TBC1D5: variants seen among roughly 807,000 people sequenced by gnomAD.
TBC1D5 encodes TBC1 domain family member 5, also known as TBC1 domain family, member 5.
Under a neutral mutation model 100.3 loss-of-function variants are expected in TBC1D5, and 75 were observed. That is an observed-to-expected ratio of 0.75 (90% CI 0.62 to 0.91). The LOEUF (loss-of-function observed/expected upper bound fraction) is 0.91, where lower values mean the gene tolerates loss of function less well. Among genes scored for constraint, TBC1D5 ranks in the 40% least tolerant of loss-of-function variants. The pLI, the probability that TBC1D5 is intolerant of heterozygous loss-of-function variation, is 0.00. For missense variants in TBC1D5, 910 were observed against 942.4 expected (o/e 0.97, Z 0.45); for synonymous variants, 323 against 325.6 (o/e 0.99, Z 0.09).
At chr3:17,566,326 T>C (rs1330891122) in intron 2 of TBC1D5, among the ~76,000 whole-genome samples, 1 of 151,828 alleles carries the variant, frequency 6.6e-6, no homozygotes, top group Non-Finnish European at 1.5e-5. Flanking sequence ...TTCTAAAAAC[T>C]GATAAGTAGG....
chr3:17,548,346 T>A (rs778979908), intron 2 of TBC1D5, among the ~76,000 whole-genome samples: 1 of 152,046 alleles, frequency 6.6e-6, no homozygotes, highest in Non-Finnish European at 1.5e-5. Flanking sequence ...AAAATTCATA[T>A]ATCAGTAGAA....
Position 17,383,899 on chromosome 3 carries a change from G to C in TBC1D5, c.612+14C>G. ...TTGAGTCAATGGATGCCACCTGTAA[G>C]ATATTTTCATTACCTGTTTATAAAG... is the stretch of plus-strand genomic sequence containing the variant. On this transcript the variant is annotated intron_variant, in intron 9 of 21. Coordinates refer to ENST00000253692, the Ensembl canonical transcript of TBC1D5. The C allele has an allele frequency of 6.4e-7, 1 of 1,573,160 alleles. No individual in the cohort carries two copies.
chr3:17,391,094 G>T (rs1329506406), intron 8 of TBC1D5, among the ~76,000 whole-genome samples: 1 of 152,088 alleles, frequency 6.6e-6, no homozygotes, highest in Non-Finnish European at 1.5e-5. Flanking sequence ...TAGACGGAAT[G>T]AAAAAGAACA....
chr3:17,169,014 T>A (rs2066917672), intron 19 of TBC1D5, among the ~76,000 whole-genome samples: 1 of 152,204 alleles, frequency 6.6e-6, no homozygotes, highest in East Asian at 1.9e-4. Context: ...ATGCACAGGC[T>A]TCTCTTTATT....
chr3:17,469,802 T>C (rs1454342285), intron 3 of TBC1D5, among the ~76,000 whole-genome samples: 1 of 152,252 alleles, frequency 6.6e-6, no homozygotes, highest in East Asian at 1.9e-4. Context: ...ATTATTCAGT[T>C]ATGTGGCCTA....
intron 18 of TBC1D5, among the ~76,000 whole-genome samples, chr3:17,201,747 GTGAA>G (rs1357722818): frequency 2.0e-5 from 3 of 152,162 alleles, no homozygotes; most frequent in African/African-American, 7.2e-5. Flanking sequence ...TGTGTAAGAT[GTGAA>G]TCCTTCCTCT....
chr3:17,719,164 CA>C lies in TBC1D5; in HGVS notation c.-101+20178del, dbSNP rs1049454471. Among the ~76,000 whole-genome samples the C allele has an allele frequency of 2.6e-5, 4 of 151,604 alleles. No individual in the cohort carries two copies. In the South Asian group the frequency reaches 6.2e-4, roughly 24 times the overall value. On this transcript the variant is annotated intron_variant, in intron 1 of 21. Coordinates refer to ENST00000253692, the Ensembl canonical transcript of TBC1D5. ...TATAAAGGATAATGGCTATTTAAGA[CA>C]AAAAAAACTACAATGTTTCAAATGA...
chr3:17,367,941 T>C (rs779735467), intron 13 of TBC1D5, among the ~76,000 whole-genome samples: 15 of 148,190 alleles, frequency 1.0e-4, no homozygotes, highest in Non-Finnish European at 1.9e-4. Context: ...GAAGGAACTT[T>C]CATAAAATTA....
At chr3:17,194,345 C>T (rs907734017) in intron 18 of TBC1D5, among the ~76,000 whole-genome samples, 10 of 152,108 alleles carry the variant, frequency 6.6e-5, no homozygotes, top group African/African-American at 2.2e-4. Context: ...TAGGATGCAG[C>T]GGGGAGAGAA....
chr3:17,496,923 G>A (rs149828401), intron 3 of TBC1D5, among the ~76,000 whole-genome samples: 9 of 152,050 alleles, frequency 5.9e-5, no homozygotes, highest in African/African-American at 1.9e-4. Flanking sequence ...ACCTGGCCTC[G>A]GCCTACTAGT....
At position 17,717,888 on chromosome 3, in the gene TBC1D5, A is replaced by AT. The variant is rs1013781264; in HGVS notation, c.-101+21454dup. ...ATGCACAGTACACTTGATATTTTTA[A>AT]TTTTTTTTTATGCTGACAGCAGCCC... On this transcript the variant is annotated intron_variant, in intron 1 of 21. Transcript: ENST00000253692. Among the ~76,000 whole-genome samples, 8 of 151,794 alleles carry AT rather than the reference A, an allele frequency of 5.3e-5. No individual in the cohort carries two copies. The East Asian group carries it at 1.4e-3, about 26-fold the overall frequency.
At chr3:17,673,278 G>A (rs903576342) in intron 1 of TBC1D5, among the ~76,000 whole-genome samples, 5 of 147,594 alleles carry the variant, frequency 3.4e-5, no homozygotes, top group Non-Finnish European at 7.5e-5. Flanking sequence ...ACGTTTGCCT[G>A]TTCTACTTAT....
At chr3:17,312,609 CT>C (rs2084166791) in intron 13 of TBC1D5, among the ~76,000 whole-genome samples, 1 of 152,112 alleles carries the variant, frequency 6.6e-6, no homozygotes, top group South Asian at 2.1e-4. Flanking sequence ...TGTACATGAA[CT>C]GTTAAAAGTC....
intron 16 of TBC1D5, among the ~76,000 whole-genome samples, chr3:17,251,428 C>T (rs1346958124): frequency 9.5e-5 from 4 of 42,214 alleles, no homozygotes; most frequent in African/African-American, 3.8e-4. Context: ...CACGGGAACC[C>T]CCCCCCCCCC....
chr3:17,579,870 T>C (rs979610651), intron 2 of TBC1D5, among the ~76,000 whole-genome samples: 2 of 152,112 alleles, frequency 1.3e-5, no homozygotes, highest in Non-Finnish European at 2.9e-5. Context: ...GCAACACTGT[T>C]GAGAGAGACA....
chr3:17,269,865 T>C (rs2079215498), intron 15 of TBC1D5, among the ~76,000 whole-genome samples: 1 of 152,196 alleles, frequency 6.6e-6, no homozygotes, highest in Admixed American at 6.5e-5. Flanking sequence ...ATGGTGTATA[T>C]GTACCACATT....
At chr3:17,342,860 TG>T (rs1248374968) in intron 13 of TBC1D5, among the ~76,000 whole-genome samples, 1 of 152,232 alleles carries the variant, frequency 6.6e-6, no homozygotes, top group Non-Finnish European at 1.5e-5. Context: ...TTAAAGTGAA[TG>T]TATACTTTTC....
chr3:17,451,909 C>T (rs531057113), intron 3 of TBC1D5, among the ~76,000 whole-genome samples: 94 of 151,804 alleles, frequency 6.2e-4, no homozygotes, highest in African/African-American at 2.2e-3. Context: ...GGCAACAAAG[C>T]GAGACTCCGT....
At chr3:17,331,237 A>G (rs2086827119) in intron 13 of TBC1D5, among the ~76,000 whole-genome samples, 1 of 151,704 alleles carries the variant, frequency 6.6e-6, no homozygotes, top group Admixed American at 6.6e-5. Flanking sequence ...CAACTTTCCA[A>G]CTCCCAACTC....
Sources: gnomAD v4.1 joint callset for allele counts (sites outside exome capture counted in the v4.1 genomes callset) on GRCh38, gnomAD v4.1.1 for gene constraint, MANE v1.5 for transcripts, NCBI Gene and HGNC (gene_info 2026-07-23, HGNC 2026-07-21) for gene names.